ATP8A2: variants seen among roughly 807,000 people sequenced by gnomAD.
ATP8A2 encodes phospholipid-transporting ATPase IB.
Under a neutral mutation model 165.6 loss-of-function variants are expected in ATP8A2, and 100 were observed. That is an observed-to-expected ratio of 0.60 (90% CI 0.51 to 0.71). The LOEUF (loss-of-function observed/expected upper bound fraction) is 0.71. Among genes scored for constraint, ATP8A2 ranks in the 30% least tolerant of loss-of-function variants. The probability of loss-of-function intolerance (pLI) is 0.00; values close to 1 mark genes in which losing one functional copy is unlikely to be tolerated. For synonymous variants in ATP8A2, 543 were observed against 548.8 expected (o/e 0.99, Z 0.15); for missense variants, 1,227 against 1,479.5 (o/e 0.83, Z 2.80).
intron 2 of ATP8A2, among the ~76,000 whole-genome samples, chr13:25,469,614 C>T (rs2035785670): frequency 6.6e-6 from 1 of 152,138 alleles, no homozygotes; most frequent in Admixed American, 6.5e-5. Flanking sequence ...CGAAACTTTG[C>T]CCAGAGTTAG....
chr13:25,655,976 A>G (rs900940197), intron 24 of ATP8A2, among the ~76,000 whole-genome samples: 3 of 152,182 alleles, frequency 2.0e-5, no homozygotes, highest in African/African-American at 7.2e-5. Flanking sequence ...CGTCTTTCCA[A>G]ATACAACTGC....
At chr13:25,880,070 AGGCCTGTCCATGGAGT>A (rs1952932997) in intron 33 of ATP8A2, among the ~76,000 whole-genome samples, 1 of 152,226 alleles carries the variant, frequency 6.6e-6, no homozygotes, top group Non-Finnish European at 1.5e-5. Context: ...ACAGCGGCGT[AGGCCTGTCCATGGAGT>A]GGCCTGTCCA....
chr13:25,380,439 G>A (rs934048206), intron 1 of ATP8A2, among the ~76,000 whole-genome samples: 1 of 152,166 alleles, frequency 6.6e-6, no homozygotes, highest in African/African-American at 2.4e-5. Flanking sequence ...TCATGGTTGA[G>A]CTGGGCTGTA....
Position 25,405,013 on chromosome 13 carries a change from G to T in ATP8A2, c.76+32725G>T, listed in dbSNP as rs574778447. Among the ~76,000 whole-genome samples, 5 of 152,288 alleles carry T rather than the reference G, an allele frequency of 3.3e-5. No homozygotes were observed. In the South Asian group the frequency reaches 1.0e-3, roughly 32 times the overall value. On this transcript the variant is annotated intron_variant, in intron 1 of 36. Transcript: ENST00000381655. ...GAGCGCTGGGGGAAAGCAGAAGAGG[G>T]TGGTCTCTTGGAAGCACAGGGATGG...
intron 35 of ATP8A2, among the ~76,000 whole-genome samples, chr13:25,983,031 A>G (rs895874970): frequency 6.6e-6 from 1 of 152,220 alleles, no homozygotes; most frequent in Non-Finnish European, 1.5e-5. Flanking sequence ...TTTCTGGAAC[A>G]CAGCAGTTTA....
chr13:25,962,009 A>T (rs1250752525), intron 34 of ATP8A2, among the ~76,000 whole-genome samples: 5 of 152,128 alleles, frequency 3.3e-5, no homozygotes, highest in African/African-American at 9.7e-5. Flanking sequence ...GGGCCAACAG[A>T]GCAAGACCCT....
intron 25 of ATP8A2, among the ~76,000 whole-genome samples, chr13:25,730,688 A>G (rs1416580013): frequency 6.6e-6 from 1 of 152,198 alleles, no homozygotes; most frequent in East Asian, 1.9e-4. Flanking sequence ...CCAAATGTAG[A>G]ATCCATGCCC....
chr13:25,943,263 AG>A, intron 33 of ATP8A2, among the ~76,000 whole-genome samples: 1 of 152,166 alleles, frequency 6.6e-6, no homozygotes, highest in Non-Finnish European at 1.5e-5. Context: ...TGTCAACTGG[AG>A]GCTTCCTCTC....
intron 33 of ATP8A2, among the ~76,000 whole-genome samples, chr13:25,872,347 G>A (rs1332267732): frequency 6.6e-6 from 1 of 152,134 alleles, no homozygotes; most frequent in Non-Finnish European, 1.5e-5. Context: ...GCTGGCTGAG[G>A]ATGAATTGAG....
chr13:25,661,979 G>A lies in ATP8A2; in HGVS notation c.2212-37194G>A, dbSNP rs190957297. On this transcript the variant is annotated intron_variant, in intron 24 of 36. Transcript: ENST00000381655. ...TCTGTTTCCTAGGACACTAGAGACA[G>A]CATTAGGTAGTGATTAACTTAAGAA... Among the ~76,000 whole-genome samples the A allele has an allele frequency of 4.6e-5, 7 of 152,260 alleles. No homozygotes were observed. In the East Asian group the frequency reaches 1.4e-3, roughly 29 times the overall value.
chr13:25,527,827 T>C (rs2037890044), intron 2 of ATP8A2, among the ~76,000 whole-genome samples: 1 of 152,192 alleles, frequency 6.6e-6, no homozygotes, highest in African/African-American at 2.4e-5. Flanking sequence ...TGTTCATATA[T>C]AGCTGGGGTA....
At position 25,372,180 on chromosome 13, in the gene ATP8A2, G is replaced by A; in HGVS notation, c.-33G>A. The A allele has an allele frequency of 2.1e-6, 3 of 1,405,638 alleles. No homozygotes were observed. The highest frequency in any genetic ancestry group is 3.0e-5 in the African/African-American group (2 of 67,068). 87.1% of individuals were successfully genotyped at this position (1,405,638 alleles called of 1,614,324 possible). A position where few individuals can be genotyped will look rare whatever the true frequency, so the allele number is the denominator to read the frequency against. ...GCCCTGCGCGTAGCCTCCGTCTCTCGCCCGGGGCCGCCGAGCCCCCGACAC... is the reference window on the plus strand; with the variant it reads ...GCCCTGCGCGTAGCCTCCGTCTCTCACCCGGGGCCGCCGAGCCCCCGACAC... On this transcript the variant is annotated 5_prime_UTR_variant, in exon 1 of 37. Transcript: ENST00000381655. The surrounding 1 kb of genome is among the most constrained non-coding windows in gnomAD (Gnocchi z 4.8).
intron 1 of ATP8A2, among the ~76,000 whole-genome samples, chr13:25,396,147 C>G (rs916702853): frequency 9.2e-5 from 14 of 152,112 alleles, no homozygotes; most frequent in African/African-American, 3.4e-4. Flanking sequence ...CAGCCCTGAT[C>G]CAATGTTAAT....
intron 25 of ATP8A2, among the ~76,000 whole-genome samples, chr13:25,712,644 G>A (rs1217791698): frequency 1.3e-5 from 2 of 152,216 alleles, no homozygotes; most frequent in Admixed American, 6.5e-5. Flanking sequence ...CCACGAGTGT[G>A]TAACACGAGA....
intron 26 of ATP8A2, among the ~76,000 whole-genome samples, chr13:25,769,881 G>A (rs144594064): frequency 7.9e-5 from 12 of 152,282 alleles, no homozygotes; most frequent in African/African-American, 2.6e-4. Context: ...GCATGCCAGG[G>A]CTCCTGATGT....
chr13:25,769,360 C>T (rs1429129202), intron 26 of ATP8A2, 131 bp downstream of exon 26: 1 of 831,104 alleles, frequency 1.2e-6, no homozygotes, highest in Non-Finnish European at 1.8e-6. Context: ...CTAGATGAAA[C>T]CCCGGGGATA....
Position 25,558,959 on chromosome 13 carries a change from A to T in ATP8A2, c.1264-14A>T. On this transcript the variant is annotated splice_polypyrimidine_tract_variant and intron_variant, in intron 13 of 36. Coordinates refer to ENST00000381655, the MANE Select transcript of ATP8A2 (RefSeq NM_016529.6). ...ATACTTCCTGATGTATATTTCTTTT[A>T]TTCTTTGGTTTAGGTGAAATATCTC... 3 of 1,552,040 alleles carry T rather than the reference A, an allele frequency of 1.9e-6. No homozygotes were observed. The highest frequency in any genetic ancestry group is 2.7e-6 in the Non-Finnish European group (3 of 1,131,740).
At chr13:25,888,641 C>T (rs1321865832) in intron 33 of ATP8A2, among the ~76,000 whole-genome samples, 1 of 152,140 alleles carries the variant, frequency 6.6e-6, no homozygotes, top group Non-Finnish European at 1.5e-5. Flanking sequence ...TGGGCTATCA[C>T]CTGAGGTCAG....
intron 2 of ATP8A2, among the ~76,000 whole-genome samples, chr13:25,493,234 T>C (rs2036577798): frequency 6.6e-6 from 1 of 152,212 alleles, no homozygotes; most frequent in African/African-American, 2.4e-5. Flanking sequence ...TAATTTTTAC[T>C]CTGGCCTTAT....
Sources: allele counts gnomAD v4.1 joint callset (sites outside exome capture counted in the v4.1 genomes callset), GRCh38; gene constraint gnomAD v4.1.1; non-coding constraint Gnocchi (gnomAD v3.1); transcripts MANE v1.5; gene names NCBI Gene and HGNC (gene_info 2026-07-23, HGNC 2026-07-21).